The following TNNI3K variants were observed in gnomAD, a reference collection of about 807,000 sequenced individuals.
TNNI3K encodes TNNI3 interacting kinase, also known as serine/threonine-protein kinase TNNI3K.
TNNI3K carries 140 observed loss-of-function variants against 114.5 expected under a neutral mutation model. The ratio of observed to expected loss-of-function variants is 1.22; its 90% CI spans 1.07 to 1.41. The LOEUF (loss-of-function observed/expected upper bound fraction) is 1.41. Ranked by LOEUF, TNNI3K falls within the 40% of genes most tolerant of loss-of-function variation. TNNI3K has a pLI of 0.00. For synonymous variants in TNNI3K, 347 were observed against 347.5 expected, an observed-to-expected ratio of 1.00 and a Z score of 0.02; for missense variants, 1,125 against 1,007.6, an observed-to-expected ratio of 1.12 and a Z score of -1.58.
At chr1:74,489,303 C>A (rs1176058996) in intron 22 of TNNI3K, 55 bp downstream of exon 22, 4 of 1,566,334 alleles carry the variant, frequency 2.6e-6, no homozygotes, top group Non-Finnish European at 3.5e-6. Flanking sequence ...ATATCCAAGG[C>A]TGTCAGGGAA....
chr1:74,523,263 C>T (rs1646458986), intron 23 of TNNI3K, among the ~76,000 whole-genome samples: 1 of 152,140 alleles, frequency 6.6e-6, no homozygotes, highest in African/African-American at 2.4e-5. Context: ...TTTCAAAAAA[C>T]ACATCTATAG....
intron 21 of TNNI3K, chr1:74,475,771 T>A: frequency 1.6e-6 from 1 of 634,480 alleles, no homozygotes; most frequent in Non-Finnish European, 2.9e-6. Context: ...GAGTTTCCAG[T>A]TAAATACAAC....
At chr1:74,284,164 G>A (rs905056568) in intron 5 of TNNI3K, among the ~76,000 whole-genome samples, 28 of 152,272 alleles carry the variant, frequency 1.8e-4, no homozygotes, top group Admixed American at 3.9e-4. Context: ...AAAATAACAA[G>A]TGGGGGCTAC....
chr1:74,543,064 C>CTTTTTTTTTTTTTTTT lies in TNNI3K; in HGVS notation c.2432-828_2432-813dup. On this transcript the variant is annotated intron_variant, in intron 24 of 24. Coordinates refer to ENST00000326637, the MANE Select transcript of TNNI3K (RefSeq NM_015978.3). ...CTTTTCCTTTTCTTTTTCTTTTTCC[C>CTTTTTTTTTTTTTTTT]TTTTTTTTTTTTTTTTTTTTTTTTT... is the stretch of plus-strand genomic sequence containing the variant. 4.7e-3 allele frequency among the ~76,000 whole-genome samples: 32 copies of CTTTTTTTTTTTTTTTT among 6,748 alleles called. 6 individuals carry two copies. Among genetic ancestry groups the CTTTTTTTTTTTTTTTT allele is most frequent in the South Asian group, 5.4e-3 (1 of 186 alleles). 4.4% of individuals were successfully genotyped at this position (6,748 alleles called of 152,430 possible).
chr1:74,356,147 C>T (rs1456243906), intron 11 of TNNI3K, among the ~76,000 whole-genome samples: 1 of 152,170 alleles, frequency 6.6e-6, no homozygotes, highest in Non-Finnish European at 1.5e-5. Context: ...TTCTTTGTGT[C>T]TGGCTTTTTT....
At chr1:74,338,631 A>T (rs1402045048) in intron 7 of TNNI3K, among the ~76,000 whole-genome samples, 2 of 152,100 alleles carry the variant, frequency 1.3e-5, no homozygotes, top group Admixed American at 6.6e-5. Context: ...CTTGGTTCAA[A>T]ATTCAGATTG....
intron 23 of TNNI3K, among the ~76,000 whole-genome samples, chr1:74,498,730 C>A (rs1258650712): frequency 1.3e-5 from 2 of 151,830 alleles, no homozygotes; most frequent in Admixed American, 1.3e-4. Context: ...CCAGTCTTCC[C>A]CCCGACTATT....
At chr1:74,245,236 TCTGA>T (rs1654483303) in intron 2 of TNNI3K, among the ~76,000 whole-genome samples, 2 of 152,226 alleles carry the variant, frequency 1.3e-5, no homozygotes, top group African/African-American at 4.8e-5. Flanking sequence ...TCTCTTGTAC[TCTGA>T]CTGGGTCAGA....
chr1:74,249,019 T>C (rs1284720490), intron 2 of TNNI3K, among the ~76,000 whole-genome samples: 1 of 152,272 alleles, frequency 6.6e-6, no homozygotes, highest in East Asian at 1.9e-4. Context: ...TTCTTGGCCT[T>C]TTATATTTGA....
At chr1:74,314,755 T>A (rs1659212192) in intron 5 of TNNI3K, among the ~76,000 whole-genome samples, 1 of 152,214 alleles carries the variant, frequency 6.6e-6, no homozygotes, top group South Asian at 2.1e-4. Flanking sequence ...TGTAATTGTC[T>A]TTGTTTCCTC....
intron 23 of TNNI3K, among the ~76,000 whole-genome samples, chr1:74,522,322 G>A (rs1462990309): frequency 6.6e-6 from 1 of 152,122 alleles, no homozygotes; most frequent in Non-Finnish European, 1.5e-5. Flanking sequence ...TGCCGCAAAT[G>A]TGCATAAATA....
At chr1:74,262,504 G>C (rs542814428) in intron 4 of TNNI3K, among the ~76,000 whole-genome samples, 1 of 151,518 alleles carries the variant, frequency 6.6e-6, no homozygotes. Flanking sequence ...TTCCCTAAAT[G>C]GGAATTTGAC....
chr1:74,386,033 G>A (rs1344394943), intron 17 of TNNI3K, among the ~76,000 whole-genome samples: 3 of 152,194 alleles, frequency 2.0e-5, no homozygotes, highest in Non-Finnish European at 2.9e-5. Context: ...TCGCATGATA[G>A]TGAATAAGTT....
rs567808816 is a variant in TNNI3K at position 74,492,240 on chromosome 1, A to G, written c.2325A>G (p.Ala775=). 6.2e-7 allele frequency: 1 copy of G among 1,611,220 alleles called. No individual in the cohort carries two copies. ...TCGAATTGGAATATGCTCTAAATGC[A>G]AGGTCCTATGCTGCTTTGTCCCAAA... ...SRFELEYALN[A]RSYAALSQSA... Residue 775 remains alanine, a synonymous_variant, in exon 23 of 25, where the codon GCA becomes GCG. Coordinates refer to ENST00000326637, the MANE Select transcript of TNNI3K (RefSeq NM_015978.3).
chr1:74,460,079 C>T (rs1241792083), intron 20 of TNNI3K, among the ~76,000 whole-genome samples: 1 of 146,392 alleles, frequency 6.8e-6, no homozygotes, highest in African/African-American at 2.5e-5. Context: ...CAACATATAA[C>T]TTTTTTTTTT....
At chr1:74,531,069 C>T (rs146515323) in intron 23 of TNNI3K, among the ~76,000 whole-genome samples, 175 of 152,268 alleles carry the variant, frequency 1.1e-3, no homozygotes, top group African/African-American at 4.0e-3. Context: ...ATGGCTCAAG[C>T]AGAACCATGA....
At chr1:74,495,101 T>C (rs969591262) in intron 23 of TNNI3K, among the ~76,000 whole-genome samples, 1 of 152,198 alleles carries the variant, frequency 6.6e-6, no homozygotes, top group Non-Finnish European at 1.5e-5. Flanking sequence ...GATATTCTCA[T>C]AAAGTGTTTT....
chr1:74,449,331 G>T (rs1666872658), intron 20 of TNNI3K, among the ~76,000 whole-genome samples: 1 of 150,596 alleles, frequency 6.6e-6, no homozygotes. Context: ...ATTTTTTATT[G>T]TGTCTATTTG....
At chr1:74,283,052 G>A (rs993847052) in intron 5 of TNNI3K, among the ~76,000 whole-genome samples, 1 of 152,096 alleles carries the variant, frequency 6.6e-6, no homozygotes, top group Admixed American at 6.6e-5. Context: ...TCCATACTTG[G>A]TTTTTGTAGT....
Sources: gnomAD v4.1 joint callset for allele counts (sites outside exome capture counted in the v4.1 genomes callset) on GRCh38, gnomAD v4.1.1 for gene constraint, MANE v1.5 for transcripts, NCBI Gene and HGNC (gene_info 2026-07-23, HGNC 2026-07-21) for gene names.